Variants in SPHK1 observed in about 807,000 individuals in gnomAD.
SPHK1 encodes SK 1.
Under a neutral mutation model 14.6 loss-of-function variants are expected in SPHK1, and 10 were observed. The observed-to-expected ratio is 0.68, with a 90% CI of 0.42 to 1.16. The LOEUF is 1.16. Ranked by LOEUF, SPHK1 falls within the 50% of genes most tolerant of loss-of-function variation. The probability of loss-of-function intolerance (pLI) is 0.00; values close to 1 mark genes in which losing one functional copy is unlikely to be tolerated. For missense variants in SPHK1, 553 were observed against 525.4 expected, an observed-to-expected ratio of 1.05 and a Z score of -0.51; for synonymous variants, 274 against 224.0, an observed-to-expected ratio of 1.22 and a Z score of -1.99.
chr17:76,384,504 C>G (rs1479733672), upstream of SPHK1: 4 of 150,386 alleles, frequency 2.7e-5, no homozygotes, highest in South Asian at 2.1e-4. Context: ...CGGGCCGTGC[C>G]GGAGGCGGCG....
rs2071996926 is a variant in SPHK1 at position 76,386,931 on chromosome 17, T to G, written c.500T>G (p.Leu167Arg). The change falls in exon 6 of 6, where the codon CTC becomes CGC. Residue 167 changes from leucine to arginine, a missense_variant. By Grantham distance (102) the Leu-to-Arg change is moderately radical (BLOSUM62 -2). Coordinates refer to ENST00000592299, the MANE Select transcript of SPHK1 (RefSeq NM_001142601.2). The surrounding 1 kb of genome is among the most constrained non-coding windows in gnomAD (Gnocchi z 5.3). ...TCGGGGCTGCGCCTCTTCTCTGTGC[T>G]CAGCCTGGCCTGGGGCTTCATTGCT... ...TASGLRLFSV[L>R]SLAWGFIADV... The G allele has an allele frequency of 6.2e-7, 1 of 1,613,368 alleles. No homozygotes were observed. The highest frequency in any genetic ancestry group is 8.5e-7 in the Non-Finnish European group (1 of 1,179,792).
intron 1 of SPHK1, 167 bp downstream of exon 1, chr17:76,384,973 C>T: frequency 1.9e-6 from 2 of 1,064,960 alleles, no homozygotes; most frequent in Non-Finnish European, 2.6e-6. Context: ...CCACGAGCGC[C>T]GCGCGCGTCG....
chr17:76,387,778 A>G lies in SPHK1; in HGVS notation c.*192A>G, dbSNP rs1037301050. ...GTCAGGAGCCCAGCTGGCTGGGCCC[A>G]GCTGCCTATGTAAGGCCTTCTAGTT... On this transcript the variant is annotated 3_prime_UTR_variant, in exon 6 of 6. Transcript: ENST00000592299. The surrounding 1 kb of genome is among the most constrained non-coding windows in gnomAD (Gnocchi z 4.1). 7.7e-5 allele frequency: 50 copies of G among 645,350 alleles called. No homozygotes were observed. The African/African-American group carries it at 7.8e-4, about 10-fold the overall frequency. The allele number at this position is 645,350 out of a possible 1,614,324, so 40.0% of individuals were successfully genotyped here.
Position 76,387,197 on chromosome 17 carries a change from G to C in SPHK1, c.766G>C (p.Asp256His). The change falls in exon 6 of 6, where the codon GAC becomes CAC. Residue 256 changes from aspartate to histidine, a missense_variant. Asp to His is a moderately conservative substitution (Grantham distance 81). Transcript: ENST00000592299. This position sits in a 1 kb window ranked among gnomAD's most constrained non-coding sequence, Gnocchi z 4.1. ...TCACTGGACAGTGGTGCCCGACGAG[G>C]ACTTTGTGCTAGTCCTGGCACTGCT... ...PSHWTVVPDE[D>H]FVLVLALLHS... is the part of the protein sequence containing the mutation. 1 of 1,613,212 alleles carries C rather than the reference G, an allele frequency of 6.2e-7. No homozygotes were observed. The highest frequency in any genetic ancestry group is 8.5e-7 in the Non-Finnish European group (1 of 1,179,952).
At chr17:76,384,354 G>A (rs1189778890), upstream of SPHK1, 1 of 150,952 alleles carries the variant, frequency 6.6e-6, no homozygotes, top group African/African-American at 2.4e-5. Context: ...GGGACTCCGC[G>A]CCTCGCGGCC....
At position 76,387,096 on chromosome 17, in the gene SPHK1, C is replaced by T. The variant is rs765051278; in HGVS notation, c.665C>T (p.Thr222Ile). 1 of 1,613,316 alleles carries T rather than the reference C, an allele frequency of 6.2e-7. No individual in the cohort carries two copies. The highest frequency in any genetic ancestry group is 1.1e-5 in the South Asian group (1 of 91,082). ...CCTGTAGGAAGAGTGGGTTCCAAGACACCTGCCTCCCCCGTTGTGGTCCAG... is the reference window on the plus strand; with the variant it reads ...CCTGTAGGAAGAGTGGGTTCCAAGATACCTGCCTCCCCCGTTGTGGTCCAG... ...YLPVGRVGSK[T>I]PASPVVVQQG... The change falls in exon 6 of 6, where the codon ACA becomes ATA. Residue 222 changes from threonine (T) to isoleucine (I), a missense_variant. Transcript: ENST00000592299. This position sits in a 1 kb window ranked among gnomAD's most constrained non-coding sequence, Gnocchi z 4.1.
chr17:76,384,933 C>T, intron 1 of SPHK1, 127 bp downstream of exon 1: 3 of 679,488 alleles, frequency 4.4e-6, no homozygotes, highest in Non-Finnish European at 6.8e-6. Flanking sequence ...CCGGTTCGGG[C>T]TTGGCTTTGG....
Position 76,386,502 on chromosome 17 carries a change from A to G in SPHK1, c.368A>G (p.Tyr123Cys). 1 of 1,611,626 alleles carries G rather than the reference A, an allele frequency of 6.2e-7. No individual in the cohort carries two copies. Residue 123 changes from tyrosine (Y) to cysteine (C), a missense_variant, in exon 5 of 6, where the codon TAT becomes TGT. Physicochemically the swap from Tyr to Cys is radical, Grantham distance 194 (BLOSUM62 -2). Coordinates refer to ENST00000592299, the MANE Select transcript of SPHK1 (RefSeq NM_001142601.2). The surrounding 1 kb of genome is among the most constrained non-coding windows in gnomAD (Gnocchi z 5.3). ...GNALAASLNH[Y>C]AGYEQVTNED... ...GCGCTGGCAGCTTCCTTGAACCATT[A>G]TGCTGGGTGAGAGCCCAGGGCCAGA...
chr17:76,386,115 C>A lies in SPHK1; in HGVS notation c.141C>A (p.Ile47=), dbSNP rs1437897443. 2 of 1,596,748 alleles carry A rather than the reference C, an allele frequency of 1.3e-6. No individual in the cohort carries two copies. The highest frequency in any genetic ancestry group is 1.7e-6 in the Non-Finnish European group (2 of 1,170,428). The change falls in exon 3 of 6, where the codon ATC becomes ATA. Residue 47 remains isoleucine (I), a synonymous_variant. Coordinates refer to ENST00000592299, the MANE Select transcript of SPHK1 (RefSeq NM_001142601.2). This position sits in a 1 kb window ranked among gnomAD's most constrained non-coding sequence, Gnocchi z 5.3. ...AGCCCCTTTTGGCTGAGGCTGAAAT[C>A]TCCTTCACGCTGATGCTCACTGGTG... ...HVQPLLAEAE[I]SFTLMLTERR...
At position 76,385,330 on chromosome 17, in the gene SPHK1, C is replaced by T; in HGVS notation, c.-194-121C>T. On this transcript the variant is annotated intron_variant, in intron 1 of 5. Transcript: ENST00000592299. The surrounding 1 kb of genome is among the most constrained non-coding windows in gnomAD (Gnocchi z 5.3). ...GGGCGCCCTCGGAGGCACCGGACCT[C>T]AGCTCTCTGGACTTCCCGGGAACCT... 2.0e-5 allele frequency: 29 copies of T among 1,454,422 alleles called. No homozygotes were observed. Among genetic ancestry groups the T allele is most frequent in the Non-Finnish European group, 2.6e-5 (29 of 1,104,668 alleles). The allele number at this position is 1,454,422 out of a possible 1,614,324, so 90.1% of individuals were successfully genotyped here. A position where few individuals can be genotyped will look rare whatever the true frequency, so the allele number is the denominator to read the frequency against.
Position 76,386,185 on chromosome 17 carries a change from C to A in SPHK1, c.164-36C>A. The A allele has an allele frequency of 6.3e-7, 1 of 1,584,548 alleles. No homozygotes were observed. The highest frequency in any genetic ancestry group is 2.2e-5 in the East Asian group (1 of 44,454). ...TTCGGGAGCATCCCCTGGCAGGGGA[C>A]CCCCCCAGTCCTGATAGCTGCCGGT... On this transcript the variant is annotated intron_variant, in intron 3 of 5. Coordinates refer to ENST00000592299, the MANE Select transcript of SPHK1 (RefSeq NM_001142601.2). The surrounding 1 kb of genome is among the most constrained non-coding windows in gnomAD (Gnocchi z 5.3).
chr17:76,383,799 C>T (rs1372892560), upstream of SPHK1: 3 of 1,279,490 alleles, frequency 2.3e-6, no homozygotes, highest in South Asian at 1.2e-5. Flanking sequence ...AGCGCGTTTC[C>T]GGCGCCCCTT....
chr17:76,385,047 G>T lies in SPHK1; in HGVS notation c.-195+241G>T. 1.3e-6 allele frequency: 2 copies of T among 1,535,888 alleles called. No homozygotes were observed. Among genetic ancestry groups the T allele is most frequent in the East Asian group, 2.5e-5 (1 of 40,056 alleles). ...CCACCGCTCTGGAGCTCCGGGCAGGGGACACGGCAACCTGGATGGCTGGGG... is the reference window on the plus strand; with the variant it reads ...CCACCGCTCTGGAGCTCCGGGCAGGTGACACGGCAACCTGGATGGCTGGGG... On this transcript the variant is annotated intron_variant, in intron 1 of 5. Transcript: ENST00000592299. The surrounding 1 kb of genome is among the most constrained non-coding windows in gnomAD (Gnocchi z 5.3).
upstream of SPHK1, chr17:76,383,747 C>CA: frequency 1.0e-6 from 1 of 955,016 alleles, no homozygotes; most frequent in Non-Finnish European, 1.4e-6. Flanking sequence ...AACACACTGA[C>CA]AAACGCGTCC....
Position 76,386,154 on chromosome 17 carries a change from G to A in SPHK1, c.163+17G>A, listed in dbSNP as rs1460349907. The A allele has an allele frequency of 2.5e-6, 4 of 1,589,280 alleles. No individual in the cohort carries two copies. Among genetic ancestry groups the A allele is most frequent in the Non-Finnish European group, 2.6e-6 (3 of 1,169,152 alleles). On this transcript the variant is annotated intron_variant, in intron 3 of 5. Coordinates refer to ENST00000592299, the MANE Select transcript of SPHK1 (RefSeq NM_001142601.2). This position sits in a 1 kb window ranked among gnomAD's most constrained non-coding sequence, Gnocchi z 5.3. Reference sequence around the variant, plus strand: ...TGCTCACTGGTGAGTACCTCTCGGAGGGGGTTTCGGGAGCATCCCCTGGCA... The same window carrying A: ...TGCTCACTGGTGAGTACCTCTCGGAAGGGGTTTCGGGAGCATCCCCTGGCA...
rs376155859 is a variant in SPHK1 at position 76,386,346 on chromosome 17, G to A, written c.258+31G>A. The A allele has an allele frequency of 3.1e-5, 50 of 1,605,672 alleles. No individual in the cohort carries two copies. Among genetic ancestry groups the A allele is most frequent in the Non-Finnish European group, 3.9e-5 (46 of 1,176,328 alleles). On this transcript the variant is annotated intron_variant, in intron 4 of 5. Transcript: ENST00000592299. This position sits in a 1 kb window ranked among gnomAD's most constrained non-coding sequence, Gnocchi z 5.3. ...GACCGCACTGCGCGGCTAGGCCTGG[G>A]GCTTGGCGCGGTGCGTCCCAGGCTG...
chr17:76,386,279 T>G lies in SPHK1; in HGVS notation c.222T>G (p.Ala74=), dbSNP rs1255559545. 6.2e-7 allele frequency: 1 copy of G among 1,600,512 alleles called. No individual in the cohort carries two copies. The part of the protein sequence containing the change: ...VRSEELGRWD[A]LVVMSGDGLM... ...CGGAGGAGCTGGGCCGCTGGGACGC[T>G]CTGGTGGTCATGTCTGGAGACGGGC... is the stretch of plus-strand genomic sequence containing the variant. The change falls in exon 4 of 6, where the codon GCT becomes GCG. Residue 74 remains alanine (A), a synonymous_variant. Coordinates refer to ENST00000592299, the MANE Select transcript of SPHK1 (RefSeq NM_001142601.2). The surrounding 1 kb of genome is among the most constrained non-coding windows in gnomAD (Gnocchi z 5.3).
Position 76,386,828 on chromosome 17 carries a change from G to A in SPHK1, c.397G>A (p.Asp133Asn), listed in dbSNP as rs2071993317. The A allele has an allele frequency of 1.9e-6, 3 of 1,559,436 alleles. No homozygotes were observed. The highest frequency in any genetic ancestry group is 2.6e-6 in the Non-Finnish European group (3 of 1,150,494). The stretch of plus-strand genomic sequence containing the variant: ...CAGCTATGAGCAGGTCACCAATGAA[G>A]ACCTCCTGACCAACTGCACGCTATT... ...YAGYEQVTNE[D>N]LLTNCTLLLC... The change falls in exon 6 of 6, where the codon GAC becomes AAC. Residue 133 changes from aspartate to asparagine, a missense_variant. Physicochemically the swap from Asp to Asn is conservative, Grantham distance 23. Coordinates refer to ENST00000592299, the MANE Select transcript of SPHK1 (RefSeq NM_001142601.2). The surrounding 1 kb of genome is among the most constrained non-coding windows in gnomAD (Gnocchi z 5.3).
In SPHK1 at chr17:76,387,573, A is replaced by C; in HGVS notation, c.1142A>C (p.Glu381Ala). The change falls in exon 6 of 6, where the codon GAA becomes GCA. Residue 381 changes from glutamate (E) to alanine (A), a missense_variant. Glu to Ala is a moderately radical substitution (Grantham distance 107). Transcript: ENST00000592299. The surrounding 1 kb of genome is among the most constrained non-coding windows in gnomAD (Gnocchi z 4.1). ...SWKPQQMPPP[E>A]EPL Reference sequence around the variant, plus strand: ...AAGCCCCAGCAGATGCCACCGCCAGAAGAGCCCTTATGACCCCTGGGCCGC... The same window carrying C: ...AAGCCCCAGCAGATGCCACCGCCAGCAGAGCCCTTATGACCCCTGGGCCGC... 6.3e-7 allele frequency: 1 copy of C among 1,594,700 alleles called. No individual in the cohort carries two copies. Among genetic ancestry groups the C allele is most frequent in the Non-Finnish European group, 8.5e-7 (1 of 1,173,400 alleles).
Sources: gnomAD v4.1 joint callset for allele counts on GRCh38, gnomAD v4.1.1 for gene constraint, Gnocchi (gnomAD v3.1) non-coding constraint, MANE v1.5 for transcripts, NCBI Gene and HGNC (gene_info 2026-07-23, HGNC 2026-07-21) for gene names.